FAM178B: variants seen among roughly 807,000 people sequenced by gnomAD.
FAM178B encodes the protein protein FAM178B.
FAM178B carries 82 observed loss-of-function variants against 91.7 expected under a neutral mutation model. The observed-to-expected ratio is 0.89, with a 90% confidence interval of 0.75 to 1.07. FAM178B has a LOEUF of 1.07. Among genes scored for constraint, FAM178B ranks in the 50% least tolerant of loss-of-function variants. The probability of loss-of-function intolerance (pLI) is 0.00; values close to 1 mark genes in which losing one functional copy is unlikely to be tolerated. For missense variants in FAM178B, 769 were observed against 846.7 expected (o/e 0.91, Z 1.14); for synonymous variants, 368 against 359.4 (o/e 1.02, Z -0.27).
At chr2:96,905,343 A>G (rs1018865157) in intron 12 of FAM178B, among the ~76,000 whole-genome samples, 2 of 152,044 alleles carry the variant, frequency 1.3e-5, no homozygotes, top group African/African-American at 4.8e-5. Context: ...GGATCATTTG[A>G]GGTCAGGAAT....
chr2:96,906,676 C>T (rs545151797), intron 12 of FAM178B, among the ~76,000 whole-genome samples: 6 of 152,312 alleles, frequency 3.9e-5, no homozygotes, highest in African/African-American at 7.2e-5. Context: ...AACAGACCCC[C>T]GTGGGTGCAG....
At chr2:96,981,665 T>C (rs1364478342) in intron 1 of FAM178B, among the ~76,000 whole-genome samples, 7 of 136,142 alleles carry the variant, frequency 5.1e-5, no homozygotes, top group African/African-American at 1.7e-4. Flanking sequence ...GGCGTGAACC[T>C]GGGAGGCGGA....
intron 1 of FAM178B, 97 bp downstream of exon 1, chr2:96,986,144 C>A: frequency 2.0e-6 from 3 of 1,517,396 alleles, no homozygotes; most frequent in Non-Finnish European, 2.6e-6. Flanking sequence ...CGGGGCTGAC[C>A]TGCAAGGCCT....
intron 14 of FAM178B, among the ~76,000 whole-genome samples, chr2:96,888,587 T>C (rs1309217276): frequency 2.0e-5 from 3 of 152,092 alleles, no homozygotes; most frequent in African/African-American, 7.2e-5. Flanking sequence ...CAGGCCTTTC[T>C]CCACAACCTC....
intron 1 of FAM178B, among the ~76,000 whole-genome samples, chr2:96,978,923 C>G (rs1431243612): frequency 6.8e-6 from 1 of 146,406 alleles, no homozygotes; most frequent in East Asian, 2.1e-4. Flanking sequence ...CTGCACCCGG[C>G]CGATTTCATT....
At chr2:96,924,115 G>A (rs6715280) in intron 9 of FAM178B, among the ~76,000 whole-genome samples, 154 of 152,324 alleles carry the variant, frequency 1.0e-3, no homozygotes, top group African/African-American at 3.5e-3. Context: ...CACATGGAGG[G>A]GGGCTCCTTG....
Position 96,947,991 on chromosome 2 carries a change from T to C in FAM178B, c.994-89A>G. On this transcript the variant is annotated intron_variant, in intron 7 of 16. Transcript: ENST00000490605. The stretch of plus-strand genomic sequence containing the variant: ...GTAGCAAACTTCTATTACTCCACGT[T>C]AAATAAATCCCATTTAATTCTCATA... The C allele has an allele frequency of 4.4e-6, 3 of 681,872 alleles. No homozygotes were observed. In the South Asian group the frequency reaches 5.2e-5, roughly 12 times the overall value. 42.2% of individuals were successfully genotyped at this position (681,872 alleles called of 1,614,324 possible).
At chr2:96,897,854 C>T (rs2080852961) in intron 13 of FAM178B, 4 of 616,464 alleles carry the variant, frequency 6.5e-6, no homozygotes, top group Non-Finnish European at 6.1e-6. Context: ...CCCACTTCTG[C>T]GCAGAAGTCA....
intron 3 of FAM178B, among the ~76,000 whole-genome samples, chr2:96,971,412 G>A (rs1225469998): frequency 2.6e-5 from 4 of 151,618 alleles, no homozygotes; most frequent in African/African-American, 7.3e-5. Context: ...TAGAATAACT[G>A]TTCTCGATCC....
chr2:96,984,673 A>G (rs2082401909), intron 1 of FAM178B, among the ~76,000 whole-genome samples: 1 of 152,222 alleles, frequency 6.6e-6, no homozygotes, highest in South Asian at 2.1e-4. Context: ...TGGAAGGGAG[A>G]TGCAGCTACC....
At chr2:96,986,162 C>G (rs2082420715) in intron 1 of FAM178B, 79 bp downstream of exon 1, 2 of 1,527,676 alleles carry the variant, frequency 1.3e-6, no homozygotes, top group African/African-American at 2.7e-5. Context: ...CCTGGACCAG[C>G]CAGGAGTCCC....
chr2:96,920,048 T>TA, intron 12 of FAM178B, among the ~76,000 whole-genome samples: 1 of 151,964 alleles, frequency 6.6e-6, no homozygotes, highest in Non-Finnish European at 1.5e-5. Context: ...CAGAGGTGTC[T>TA]GCCAAAGTTG....
chr2:96,965,591 T>C (rs1189824089), intron 5 of FAM178B, among the ~76,000 whole-genome samples: 2 of 152,122 alleles, frequency 1.3e-5, no homozygotes, highest in Non-Finnish European at 2.9e-5. Flanking sequence ...GCCTCCCAAG[T>C]AGCTGGAACT....
Position 96,876,207 on chromosome 2 carries a change from C to T in FAM178B, c.*69G>A, listed in dbSNP as rs1574165042. 2 of 1,525,806 alleles carry T rather than the reference C, an allele frequency of 1.3e-6. No individual in the cohort carries two copies. The highest frequency in any genetic ancestry group is 4.6e-5 in the East Asian group (2 of 43,478). 94.5% of individuals were successfully genotyped at this position (1,525,806 alleles called of 1,614,324 possible). On this transcript the variant is annotated 3_prime_UTR_variant, in exon 17 of 17. Coordinates refer to ENST00000490605, the MANE Select transcript of FAM178B (RefSeq NM_001122646.3). ...TCCTCTGGCCTTGATGCTTCGCTTC[C>T]TCCAGTTCCCTGAGCCTGTTCACTT...
chr2:96,931,635 G>A lies in FAM178B; in HGVS notation c.1079-2315C>T, dbSNP rs371283042. Among the ~76,000 whole-genome samples the A allele has an allele frequency of 2.0e-4, 31 of 152,280 alleles. No homozygotes were observed. In the East Asian group the frequency reaches 2.7e-3, roughly 13 times the overall value. On this transcript the variant is annotated intron_variant, in intron 8 of 16. Transcript: ENST00000490605. The stretch of plus-strand genomic sequence containing the variant: ...GGTGGGGACTTCCGCAAGGACCACC[G>A]TAAGAATCAGTTTCCTAAGCTCACT...
At chr2:96,948,983 G>A (rs978650077) in intron 7 of FAM178B, among the ~76,000 whole-genome samples, 3 of 152,134 alleles carry the variant, frequency 2.0e-5, no homozygotes, top group East Asian at 1.9e-4. Flanking sequence ...CCCTCCGGTC[G>A]GCATCTAGAA....
chr2:96,883,615 G>C (rs1222755562), intron 14 of FAM178B, among the ~76,000 whole-genome samples: 1 of 152,236 alleles, frequency 6.6e-6, no homozygotes, highest in Non-Finnish European at 1.5e-5. Flanking sequence ...GCTACTGTGT[G>C]TGTGTTGGGG....
intron 13 of FAM178B, among the ~76,000 whole-genome samples, chr2:96,894,524 C>T (rs2080766922): frequency 8.3e-6 from 1 of 121,104 alleles, no homozygotes; most frequent in South Asian, 3.0e-4. Context: ...ACACAGACCC[C>T]CCCACACATA....
At position 96,905,837 on chromosome 2, in the gene FAM178B, TATATATATATATATATATATA is replaced by T. The variant is rs1559064083; in HGVS notation, c.1563-3151_1563-3131del. On this transcript the variant is annotated intron_variant, in intron 12 of 16. Transcript: ENST00000490605. ...ATGTGTGTATATATATATATATATA[TATATATATATATATATATATA>T]TATTTTTTTTTTTTTTTTTTTTTTT... is the stretch of plus-strand genomic sequence containing the variant. Among the ~76,000 whole-genome samples the T allele has an allele frequency of 2.5e-4, 7 of 28,228 alleles. 1 individual carries two copies. The highest frequency in any genetic ancestry group is 5.6e-4 in the African/African-American group (6 of 10,708). 18.5% of individuals were successfully genotyped at this position (28,228 alleles called of 152,430 possible).
Sources: gnomAD v4.1 joint callset for allele counts (sites outside exome capture counted in the v4.1 genomes callset) on GRCh38, gnomAD v4.1.1 for gene constraint, MANE v1.5 for transcripts, NCBI Gene and HGNC (gene_info 2026-07-23, HGNC 2026-07-21) for gene names.